The following GPR149 variants were observed in gnomAD, a reference collection of about 807,000 sequenced individuals.
GPR149 encodes probable G protein-coupled receptor 149.
In GPR149, 50 loss-of-function variants were observed where a neutral mutation model predicts 50.2. The observed-to-expected ratio is 1.00, with a 90% CI of 0.79 to 1.26. The LOEUF is 1.26. Ranked by LOEUF, GPR149 falls within the 50% of genes most tolerant of loss-of-function variation. GPR149 has a pLI of 0.00. For synonymous variants in GPR149, 405 were observed against 358.2 expected, an observed-to-expected ratio of 1.13 and a Z score of -1.48; for missense variants, 983 against 895.4, an observed-to-expected ratio of 1.10 and a Z score of -1.25.
intron 2 of GPR149, among the ~76,000 whole-genome samples, chr3:154,423,582 A>G (rs1329246079): frequency 2.0e-5 from 3 of 151,874 alleles, no homozygotes; most frequent in Non-Finnish European, 4.4e-5. Context: ...ATGTACCTGA[A>G]CTTGAGATAA....
intron 3 of GPR149, among the ~76,000 whole-genome samples, chr3:154,391,334 AG>A (rs1222060433): frequency 7.2e-5 from 11 of 151,872 alleles, no homozygotes; most frequent in Non-Finnish European, 1.5e-4. Context: ...GAGAAGTAAA[AG>A]TGTAGCTTTT....
At chr3:154,383,015 G>A (rs911773830) in intron 3 of GPR149, among the ~76,000 whole-genome samples, 10 of 152,134 alleles carry the variant, frequency 6.6e-5, no homozygotes, top group African/African-American at 4.8e-5. Context: ...AATGGCTCTC[G>A]TTGAGAATGA....
At chr3:154,369,700 A>G (rs1714618141) in intron 3 of GPR149, among the ~76,000 whole-genome samples, 1 of 152,262 alleles carries the variant, frequency 6.6e-6, no homozygotes, top group Non-Finnish European at 1.5e-5. Flanking sequence ...TTTAAAACAA[A>G]TAAAGGCAGA....
intron 3 of GPR149, among the ~76,000 whole-genome samples, chr3:154,340,850 T>C (rs1467862968): frequency 6.6e-6 from 1 of 152,150 alleles, no homozygotes; most frequent in African/African-American, 2.4e-5. Flanking sequence ...GCCTCCTGAG[T>C]AGCTGAGACT....
At chr3:154,370,422 C>T (rs369029204) in intron 3 of GPR149, among the ~76,000 whole-genome samples, 171 of 152,246 alleles carry the variant, frequency 1.1e-3, no homozygotes, top group African/African-American at 3.9e-3. Flanking sequence ...GGAGGCCAAT[C>T]GCTTAGTAGG....
intron 3 of GPR149, among the ~76,000 whole-genome samples, chr3:154,367,551 TTTCTTGC>T (rs1361511991): frequency 6.6e-6 from 1 of 152,214 alleles, no homozygotes; most frequent in Non-Finnish European, 1.5e-5. Context: ...ATTGTCTTTG[TTTCTTGC>T]TCTGGTAACA....
chr3:154,403,809 G>A (rs1170568326), intron 3 of GPR149, among the ~76,000 whole-genome samples: 1 of 151,498 alleles, frequency 6.6e-6, no homozygotes, highest in Non-Finnish European at 1.5e-5. Flanking sequence ...AGAGCTGCCA[G>A]CATGTAAATA....
chr3:154,344,071 A>G (rs1411455115), intron 3 of GPR149, among the ~76,000 whole-genome samples: 1 of 152,240 alleles, frequency 6.6e-6, no homozygotes, highest in Non-Finnish European at 1.5e-5. Context: ...CTGAAAGGAA[A>G]AGTGATTAAA....
chr3:154,340,761 AC>A (rs942571715), intron 3 of GPR149, among the ~76,000 whole-genome samples: 4 of 152,180 alleles, frequency 2.6e-5, no homozygotes, highest in African/African-American at 9.7e-5. Flanking sequence ...TTGCTCTGTT[AC>A]CCAGGCTGGA....
At position 154,429,057 on chromosome 3, in the gene GPR149, A is replaced by G. The variant is rs753249682; in HGVS notation, c.559T>C (p.Ser187Pro). The G allele has an allele frequency of 1.9e-6, 3 of 1,613,842 alleles. No individual in the cohort carries two copies. In the African/African-American group the frequency reaches 4.0e-5, roughly 22 times the overall value. ...GAGAGGAATAGTACGTAGGAGCTGGAGCAGTCCACCAGGCAGCCCCAGGGC... is the reference window on the plus strand; with the variant it reads ...GAGAGGAATAGTACGTAGGAGCTGGGGCAGTCCACCAGGCAGCCCCAGGGC... ...RTPWGCLVDC[S>P]SSYVLFLSIV... Residue 187 changes from serine (S) to proline (P), a missense_variant, in exon 1 of 4, where the codon TCC becomes CCC. By Grantham distance (74) the Ser-to-Pro change is moderately conservative (BLOSUM62 -1). Coordinates refer to ENST00000389740, the MANE Select transcript of GPR149 (RefSeq NM_001038705.3).
At position 154,342,869 on chromosome 3, in the gene GPR149, C is replaced by T. The variant is rs952096625; in HGVS notation, c.1624-4598G>A. 3.7e-4 allele frequency among the ~76,000 whole-genome samples: 57 copies of T among 152,152 alleles called. 1 individual carries two copies. The highest frequency in any genetic ancestry group is 2.1e-4 in the South Asian group (1 of 4,830). Reference sequence around the variant, plus strand: ...GTATTTGACTATAAAATAAAAACTACGTATACTTACCATTGATCCTATGTC... The same window carrying T: ...GTATTTGACTATAAAATAAAAACTATGTATACTTACCATTGATCCTATGTC... On this transcript the variant is annotated intron_variant, in intron 3 of 3. Coordinates refer to ENST00000389740, the MANE Select transcript of GPR149 (RefSeq NM_001038705.3).
intron 3 of GPR149, among the ~76,000 whole-genome samples, chr3:154,339,728 A>T (rs1576895308): frequency 1.3e-5 from 2 of 151,054 alleles, no homozygotes; most frequent in East Asian, 3.9e-4. Context: ...TTCTGTTTAA[A>T]GAAGTTTGAA....
chr3:154,395,060 G>T (rs943357353), intron 3 of GPR149, among the ~76,000 whole-genome samples: 1 of 152,082 alleles, frequency 6.6e-6, no homozygotes, highest in African/African-American at 2.4e-5. Flanking sequence ...TATAGTTCAT[G>T]TAGGTAAAAA....
chr3:154,424,575 G>T (rs1456443924), intron 2 of GPR149, among the ~76,000 whole-genome samples: 2 of 151,780 alleles, frequency 1.3e-5, no homozygotes, highest in East Asian at 3.9e-4. Flanking sequence ...TGTATTTCGT[G>T]TGTGTGTCTG....
intron 3 of GPR149, among the ~76,000 whole-genome samples, chr3:154,404,770 A>G (rs972348135): frequency 1.3e-5 from 2 of 152,200 alleles, no homozygotes; most frequent in African/African-American, 4.8e-5. Flanking sequence ...AACCACACAG[A>G]GTTTTTGTGA....
intron 3 of GPR149, among the ~76,000 whole-genome samples, chr3:154,409,984 G>A (rs1711791063): frequency 6.6e-6 from 1 of 152,132 alleles, no homozygotes; most frequent in Admixed American, 6.5e-5. Context: ...TGAGGCAAAA[G>A]CATCAGGTAA....
At chr3:154,374,925 C>T (rs1714756867) in intron 3 of GPR149, among the ~76,000 whole-genome samples, 1 of 152,132 alleles carries the variant, frequency 6.6e-6, no homozygotes, top group African/African-American at 2.4e-5. Flanking sequence ...TCTGGCTAGC[C>T]TTCCAAGCTA....
chr3:154,414,631 A>G (rs2108425931), intron 3 of GPR149, among the ~76,000 whole-genome samples: 1 of 152,122 alleles, frequency 6.6e-6, no homozygotes, highest in Admixed American at 6.6e-5. Context: ...GAAGGGATCA[A>G]AGTTCACATC....
chr3:154,394,378 G>C (rs1715241440), intron 3 of GPR149, among the ~76,000 whole-genome samples: 1 of 151,994 alleles, frequency 6.6e-6, no homozygotes. Context: ...AAGAATGAAA[G>C]TGGACCCTTG....
Sources: gnomAD v4.1 joint callset for allele counts (sites outside exome capture counted in the v4.1 genomes callset) on GRCh38, gnomAD v4.1.1 for gene constraint, MANE v1.5 for transcripts, NCBI Gene and HGNC (gene_info 2026-07-23, HGNC 2026-07-21) for gene names.